PDE4B: variants seen among roughly 807,000 people sequenced by gnomAD.
PDE4B encodes phosphodiesterase 4B, also known as 3',5'-cyclic-AMP phosphodiesterase 4B.
Under a neutral mutation model 82.2 loss-of-function variants are expected in PDE4B, and 20 were observed. That is an observed-to-expected ratio of 0.24 (90% CI 0.17 to 0.35). The LOEUF is 0.35. Among genes scored for constraint, PDE4B ranks in the 10% least tolerant of loss-of-function variants. PDE4B has a pLI of 1.00. For missense variants in PDE4B, 655 were observed against 907.2 expected, an observed-to-expected ratio of 0.72 and a Z score of 3.57; for synonymous variants, 320 against 318.9, an observed-to-expected ratio of 1.00 and a Z score of -0.04.
intron 3 of PDE4B, among the ~76,000 whole-genome samples, chr1:66,072,957 A>T (rs1457098986): frequency 6.6e-6 from 1 of 152,078 alleles, no homozygotes; most frequent in Non-Finnish European, 1.5e-5. Context: ...AACAAAATTT[A>T]AACAGCAAAT....
At chr1:65,835,208 C>T (rs1366847227) in intron 1 of PDE4B, among the ~76,000 whole-genome samples, 2 of 152,080 alleles carry the variant, frequency 1.3e-5, no homozygotes, top group Admixed American at 1.3e-4. Context: ...TTCTGGTATG[C>T]CTGCTTTGGC....
chr1:65,857,752 A>G (rs71647497), intron 1 of PDE4B, among the ~76,000 whole-genome samples: 3,437 of 152,364 alleles, frequency 0.023, 46 homozygotes, highest in Non-Finnish European at 0.033. Flanking sequence ...CATACGGTCT[A>G]ACTCCAGATA....
chr1:66,333,764 A>T (rs528554054), intron 8 of PDE4B, among the ~76,000 whole-genome samples: 5 of 151,960 alleles, frequency 3.3e-5, no homozygotes, highest in Non-Finnish European at 7.4e-5. Flanking sequence ...TCCTCAGGAG[A>T]TCCTGAAGGA....
At chr1:65,852,407 CATA>C (rs148270249) in intron 1 of PDE4B, among the ~76,000 whole-genome samples, 2,279 of 151,960 alleles carry the variant, frequency 0.015, 64 homozygotes, top group African/African-American at 0.049. Flanking sequence ...TAGGAGTATT[CATA>C]ATGTTTTCAA....
At chr1:65,892,881 T>C (rs1646867749) in intron 1 of PDE4B, among the ~76,000 whole-genome samples, 1 of 152,152 alleles carries the variant, frequency 6.6e-6, no homozygotes, top group Admixed American at 6.6e-5. Flanking sequence ...ACTTCCATTT[T>C]ATTAGCTCAA....
intron 3 of PDE4B, among the ~76,000 whole-genome samples, chr1:66,036,541 C>T (rs565922561): frequency 6.6e-6 from 1 of 152,236 alleles, no homozygotes; most frequent in Non-Finnish European, 1.5e-5. Flanking sequence ...TGTATGTGGA[C>T]TTCTGTTTTC....
intron 3 of PDE4B, among the ~76,000 whole-genome samples, chr1:66,233,073 A>C (rs1570523199): frequency 6.6e-6 from 1 of 152,204 alleles, no homozygotes; most frequent in African/African-American, 2.4e-5. Flanking sequence ...ATTACATTGA[A>C]GATAATAAAT....
chr1:66,275,795 G>T (rs1012341103), intron 7 of PDE4B, among the ~76,000 whole-genome samples: 1 of 152,218 alleles, frequency 6.6e-6, no homozygotes, highest in Admixed American at 6.5e-5. Context: ...AACAAAGCAG[G>T]GACTGTCCCC....
intron 3 of PDE4B, among the ~76,000 whole-genome samples, chr1:65,944,231 A>G (rs1648586939): frequency 1.3e-5 from 2 of 151,854 alleles, no homozygotes; most frequent in South Asian, 4.1e-4. Flanking sequence ...CTTTTTCTGT[A>G]TCGAGAGGAT....
chr1:65,901,124 G>T lies in PDE4B; in HGVS notation c.-70-12121G>T, dbSNP rs112995626. On this transcript the variant is annotated intron_variant, in intron 1 of 16. Transcript: ENST00000341517. The stretch of plus-strand genomic sequence containing the variant: ...ATGGCTCTTATTATTTTGAGGGTAT[G>T]TTTCTTTGATGCCTAATATGTTGAG... Among the ~76,000 whole-genome samples, 523 of 152,008 alleles carry T rather than the reference G, an allele frequency of 3.4e-3. 1 individual carries two copies. The highest frequency in any genetic ancestry group is 0.012 in the African/African-American group (489 of 41,498).
chr1:66,081,494 T>G (rs909138160), intron 3 of PDE4B, among the ~76,000 whole-genome samples: 1 of 152,156 alleles, frequency 6.6e-6, no homozygotes, highest in Non-Finnish European at 1.5e-5. Flanking sequence ...AAAAATCTCA[T>G]TGAAATATAT....
intron 1 of PDE4B, among the ~76,000 whole-genome samples, chr1:65,852,231 A>T (rs950057944): frequency 5.3e-5 from 8 of 151,970 alleles, no homozygotes; most frequent in African/African-American, 1.9e-4. Flanking sequence ...GTAAAATGAA[A>T]TGAGATTTTT....
At chr1:66,328,430 A>T (rs1188786810) in intron 7 of PDE4B, among the ~76,000 whole-genome samples, 1 of 152,220 alleles carries the variant, frequency 6.6e-6, no homozygotes, top group African/African-American at 2.4e-5. Flanking sequence ...TATGTAAGAC[A>T]GGAAGAGACC....
intron 4 of PDE4B, among the ~76,000 whole-genome samples, chr1:66,252,122 T>A (rs1467649848): frequency 3.9e-5 from 6 of 152,086 alleles, no homozygotes; most frequent in African/African-American, 1.4e-4. Context: ...CAGGAGTTAG[T>A]GTTTAATTGA....
chr1:66,065,617 T>C (rs532680707), intron 3 of PDE4B, among the ~76,000 whole-genome samples: 1 of 151,966 alleles, frequency 6.6e-6, no homozygotes, highest in African/African-American at 2.4e-5. Context: ...CAAAATGTAA[T>C]CATAGAATGT....
At chr1:65,955,445 CA>C (rs1649207233) in intron 3 of PDE4B, among the ~76,000 whole-genome samples, 1 of 152,060 alleles carries the variant, frequency 6.6e-6, no homozygotes, top group East Asian at 1.9e-4. Flanking sequence ...AAAACAACAA[CA>C]AAAGCATAGA....
intron 1 of PDE4B, among the ~76,000 whole-genome samples, chr1:65,819,499 G>GTTTTT (rs11438074): frequency 4.1e-5 from 6 of 145,398 alleles, no homozygotes; most frequent in African/African-American, 1.3e-4. Flanking sequence ...GTTTGTTTTT[G>GTTTTT]TTTTGTTTTT....
chr1:66,123,831 T>A (rs1054204124), intron 3 of PDE4B, among the ~76,000 whole-genome samples: 1 of 152,204 alleles, frequency 6.6e-6, no homozygotes, highest in African/African-American at 2.4e-5. Context: ...AGCCTACCAG[T>A]GGCTTTTTTA....
intron 3 of PDE4B, among the ~76,000 whole-genome samples, chr1:66,205,321 A>G (rs566574296): frequency 6.6e-6 from 1 of 152,242 alleles, no homozygotes; most frequent in Admixed American, 6.5e-5. Flanking sequence ...AAACTTTGTA[A>G]TAAATCTCCC....
Sources: allele counts gnomAD v4.1 joint callset (sites outside exome capture counted in the v4.1 genomes callset), GRCh38; gene constraint gnomAD v4.1.1; transcripts MANE v1.5; gene names NCBI Gene and HGNC (gene_info 2026-07-23, HGNC 2026-07-21).